The following KLHL20 variants were observed in gnomAD, a reference collection of about 807,000 sequenced individuals.
KLHL20 encodes kelch like family member 20, also known as kelch-like protein 20.
A neutral mutation model predicts 69.5 loss-of-function variants in KLHL20; 29 were observed. That is an observed-to-expected ratio of 0.42 (90% confidence interval 0.31 to 0.57). The LOEUF is 0.57. KLHL20 is among the 20% of genes least tolerant of loss of function. The probability of loss-of-function intolerance (pLI) is 0.18; values close to 1 mark genes in which losing one functional copy is unlikely to be tolerated. For missense variants in KLHL20, 419 were observed against 776.0 expected (o/e 0.54, Z 5.47); for synonymous variants, 253 against 265.2 (o/e 0.95, Z 0.45).
chr1:173,784,454 T>C (rs1649079009), intron 11 of KLHL20, among the ~76,000 whole-genome samples: 2 of 152,358 alleles, frequency 1.3e-5, no homozygotes, highest in Admixed American at 1.3e-4. Flanking sequence ...AGGACTTGTT[T>C]CTTAGTAACT....
intron 2 of KLHL20, among the ~76,000 whole-genome samples, chr1:173,731,794 A>G (rs1344338255): frequency 1.3e-5 from 2 of 152,148 alleles, no homozygotes; most frequent in African/African-American, 4.8e-5. Flanking sequence ...CAGCACACCA[A>G]CATGGCACAT....
chr1:173,774,564 C>T, intron 9 of KLHL20, 126 bp downstream of exon 9: 1 of 1,039,846 alleles, frequency 9.6e-7, no homozygotes, highest in Non-Finnish European at 1.4e-6. Context: ...TGATTTTTCC[C>T]TCCAGCAGAG....
At chr1:173,740,837 A>G (rs1672774002) in intron 3 of KLHL20, among the ~76,000 whole-genome samples, 2 of 151,926 alleles carry the variant, frequency 1.3e-5, no homozygotes, top group Admixed American at 1.3e-4. Context: ...GATTCTGCCC[A>G]GGAAAATTTG....
At chr1:173,720,641 T>G (rs897741511) in intron 2 of KLHL20, among the ~76,000 whole-genome samples, 2 of 152,168 alleles carry the variant, frequency 1.3e-5, no homozygotes, top group African/African-American at 4.8e-5. Context: ...TGAAAGATGA[T>G]GAGAACCTGA....
intron 5 of KLHL20, among the ~76,000 whole-genome samples, chr1:173,753,705 A>AT (rs1204347218): frequency 4.6e-5 from 7 of 152,198 alleles, no homozygotes; most frequent in Non-Finnish European, 8.8e-5. Flanking sequence ...GGGGAATAGA[A>AT]TCAGCCTTGC....
intron 7 of KLHL20, among the ~76,000 whole-genome samples, chr1:173,758,801 G>C (rs774698446): frequency 3.3e-5 from 5 of 152,220 alleles, no homozygotes; most frequent in African/African-American, 1.2e-4. Flanking sequence ...AGGAGCAGGG[G>C]ATAAAACTCC....
At position 173,722,721 on chromosome 1, in the gene KLHL20, T is replaced by C. The variant is rs544941933; in HGVS notation, c.23+6655T>C. Among the ~76,000 whole-genome samples the C allele has an allele frequency of 2.6e-5, 4 of 152,088 alleles. No homozygotes were observed. The East Asian group carries it at 5.8e-4, about 22-fold the overall frequency. ...TTTTTTTTGACATAGAGTTTCGCTT[T>C]TGTTTCCCAGGCTGGAGTAGTGCAG... On this transcript the variant is annotated intron_variant, in intron 2 of 11. Transcript: ENST00000209884.
intron 7 of KLHL20, among the ~76,000 whole-genome samples, chr1:173,759,150 C>T (rs1221820288): frequency 6.6e-6 from 1 of 152,064 alleles, no homozygotes; most frequent in Non-Finnish European, 1.5e-5. Context: ...TCAGCAGAGG[C>T]AGTCATAATC....
chr1:173,733,814 G>T lies in KLHL20; in HGVS notation c.125G>T (p.Arg42Leu). The change falls in exon 3 of 12, where the codon CGC (arginine) becomes CTC (leucine). Residue 42 changes from arginine to leucine, a missense_variant. Arg to Leu is a moderately radical substitution (Grantham distance 102). This residue lies in a region of KLHL20 where 129 missense variants were observed against 183.6 expected (regional missense o/e 0.70). Coordinates refer to ENST00000209884, the MANE Select transcript of KLHL20 (RefSeq NM_014458.4). ...KLPEGVPQPA[R>L]MPYISDKHPR... The stretch of plus-strand genomic sequence containing the variant: ...CCAGAAGGGGTTCCCCAACCTGCCC[G>T]CATGCCCTATATCTCAGACAAGCAC... 1 of 1,614,074 alleles carries T rather than the reference G, an allele frequency of 6.2e-7. No individual in the cohort carries two copies. The highest frequency in any genetic ancestry group is 8.5e-7 in the Non-Finnish European group (1 of 1,180,026).
At chr1:173,729,177 A>C (rs1672128179) in intron 2 of KLHL20, among the ~76,000 whole-genome samples, 1 of 152,238 alleles carries the variant, frequency 6.6e-6, no homozygotes, top group African/African-American at 2.4e-5. Flanking sequence ...AACCAGGAAG[A>C]AGTTGAATCT....
intron 8 of KLHL20, among the ~76,000 whole-genome samples, chr1:173,768,272 A>C (rs538886278): frequency 1.8e-4 from 27 of 152,308 alleles, no homozygotes; most frequent in African/African-American, 5.8e-4. Context: ...TTGGTAGAAC[A>C]GATTTTGTTC....
At chr1:173,771,692 C>T (rs907248937) in intron 8 of KLHL20, among the ~76,000 whole-genome samples, 3 of 152,118 alleles carry the variant, frequency 2.0e-5, no homozygotes, top group African/African-American at 7.2e-5. Flanking sequence ...GCCCTGAGCC[C>T]AGGAGTTCAA....
chr1:173,742,612 T>TAC (rs1475064760), intron 3 of KLHL20, among the ~76,000 whole-genome samples: 2 of 151,646 alleles, frequency 1.3e-5, no homozygotes, highest in African/African-American at 4.8e-5. Flanking sequence ...TACGTATATA[T>TAC]ACGTGCAGAT....
At position 173,715,012 on chromosome 1, in the gene KLHL20, A is replaced by C. The variant is rs1441012466; in HGVS notation, c.-108A>C. 6.5e-6 allele frequency: 1 copy of C among 153,076 alleles called. No homozygotes were observed. The highest frequency in any genetic ancestry group is 1.9e-4 in the East Asian group (1 of 5,224). 9.5% of individuals were successfully genotyped at this position (153,076 alleles called of 1,614,324 possible). ...CCTGCGTTAGCGGCGGTGGAGGAGG[A>C]GGCAGAGAGGAGTGGAGGGCGGAGT... is the stretch of plus-strand genomic sequence containing the variant. On this transcript the variant is annotated 5_prime_UTR_variant, in exon 1 of 12. Coordinates refer to ENST00000209884, the MANE Select transcript of KLHL20 (RefSeq NM_014458.4).
chr1:173,760,257 C>T (rs939369067), intron 7 of KLHL20, among the ~76,000 whole-genome samples: 4 of 151,884 alleles, frequency 2.6e-5, no homozygotes, highest in East Asian at 1.9e-4. Context: ...TCGGTATATC[C>T]GAGGAAGAAG....
intron 3 of KLHL20, among the ~76,000 whole-genome samples, chr1:173,738,272 G>T (rs182168923): frequency 6.6e-6 from 1 of 152,188 alleles, no homozygotes; most frequent in Admixed American, 6.5e-5. Flanking sequence ...GGGCACAAGC[G>T]ATCCTCCCGC....
chr1:173,747,998 A>G (rs1202334864), intron 3 of KLHL20, among the ~76,000 whole-genome samples: 1 of 151,982 alleles, frequency 6.6e-6, no homozygotes, highest in Non-Finnish European at 1.5e-5. Context: ...TATCACTACA[A>G]ATTCTTTATA....
chr1:173,771,625 A>C (rs1433908605), intron 8 of KLHL20, among the ~76,000 whole-genome samples: 1 of 152,132 alleles, frequency 6.6e-6, no homozygotes, highest in Non-Finnish European at 1.5e-5. Flanking sequence ...TTAATTAGCC[A>C]GGCATGGTGG....
At chr1:173,728,161 G>A (rs527827739) in intron 2 of KLHL20, among the ~76,000 whole-genome samples, 25 of 152,246 alleles carry the variant, frequency 1.6e-4, no homozygotes, top group African/African-American at 5.8e-4. Context: ...ATTGCATAAT[G>A]GTAAAGGGAT....
Sources: gnomAD v4.1 joint callset for allele counts (sites outside exome capture counted in the v4.1 genomes callset) on GRCh38, gnomAD v4.1.1 for gene constraint, gnomAD v4.1.1 regional missense constraint, MANE v1.5 for transcripts, NCBI Gene and HGNC (gene_info 2026-07-23, HGNC 2026-07-21) for gene names.